GDAP1: variants seen among roughly 807,000 people sequenced by gnomAD.
GDAP1 encodes the protein ganglioside-induced differentiation-associated protein 1.
Under a neutral mutation model 40.1 loss-of-function variants are expected in GDAP1, and 34 were observed. The ratio of observed to expected loss-of-function variants is 0.85; its 90% CI spans 0.64 to 1.13. The LOEUF (loss-of-function observed/expected upper bound fraction) is 1.13, where lower values mean the gene tolerates loss of function less well. Ranked by LOEUF, GDAP1 falls within the 50% of genes most tolerant of loss-of-function variation. The probability of loss-of-function intolerance (pLI) is 0.00; values close to 1 mark genes in which losing one functional copy is unlikely to be tolerated. For missense variants in GDAP1, 374 were observed against 433.7 expected (o/e 0.86, Z 1.22); for synonymous variants, 170 against 157.4 (o/e 1.08, Z -0.60).
In GDAP1 at chr8:74,384,527, C is replaced by G. The variant is rs1294910437; in HGVS notation, c.165+33206C>G. Among the ~76,000 whole-genome samples the G allele has an allele frequency of 2.0e-5, 3 of 152,144 alleles. No homozygotes were observed. The East Asian group carries it at 5.8e-4, about 29-fold the overall frequency. ...ACAAAACACATTCAGTCTCTTGTTT[C>G]TAATTGCTCGAAATTCTATCCAGGT... On this transcript the variant is annotated intron_variant, in intron 2 of 2. Transcript: ENST00000523640.
chr8:74,459,400 A>T (rs1201082512), intron 2 of GDAP1, among the ~76,000 whole-genome samples: 2 of 152,180 alleles, frequency 1.3e-5, no homozygotes, highest in African/African-American at 4.8e-5. Flanking sequence ...TGACACACAG[A>T]CCTTTTTAAA....
intron 2 of GDAP1, among the ~76,000 whole-genome samples, chr8:74,412,532 G>T (rs549937900): frequency 6.7e-6 from 1 of 150,194 alleles, no homozygotes; most frequent in South Asian, 2.1e-4. Flanking sequence ...GAAAATTACA[G>T]TTAAACTGCC....
At chr8:74,398,372 A>C (rs1403362643) in intron 2 of GDAP1, among the ~76,000 whole-genome samples, 1 of 151,896 alleles carries the variant, frequency 6.6e-6, no homozygotes, top group Non-Finnish European at 1.5e-5. Flanking sequence ...TGCATGTGAG[A>C]TGGGTTTCCT....
chr8:74,474,435 T>C (rs1806599545), intron 2 of GDAP1, among the ~76,000 whole-genome samples: 1 of 152,174 alleles, frequency 6.6e-6, no homozygotes, highest in South Asian at 2.1e-4. Flanking sequence ...GGGTTTGTCA[T>C]ATATGGTTCT....
chr8:74,351,281 T>A lies in GDAP1; in HGVS notation c.125T>A (p.Leu42Ter), dbSNP rs1252720445. The change falls in exon 2 of 6, where the codon TTG becomes TAG. Residue 42 changes from leucine (L) to a stop codon, truncating the protein, a stop_gained. Coordinates refer to ENST00000220822, the MANE Select transcript of GDAP1 (RefSeq NM_018972.4). LOFTEE classifies it high-confidence loss of function. ...THSFSSQKVR[L>*]VIAEKALKCE... The stretch of plus-strand genomic sequence containing the variant: ...CAGTGTGAACTCTTCCAGGTGCGCT[T>A]GGTAATTGCTGAAAAGGCATTGAAG... 1.9e-6 allele frequency: 3 copies of A among 1,613,834 alleles called. No homozygotes were observed. The highest frequency in any genetic ancestry group is 2.5e-6 in the Non-Finnish European group (3 of 1,179,678).
intron 2 of GDAP1, among the ~76,000 whole-genome samples, chr8:74,463,961 A>T (rs781118864): frequency 2.6e-5 from 4 of 151,914 alleles, no homozygotes; most frequent in East Asian, 1.9e-4. Flanking sequence ...ATAAATACGT[A>T]TGTACCTGCT....
chr8:74,479,041 T>C (rs1242564542), intron 2 of GDAP1, among the ~76,000 whole-genome samples: 3 of 152,172 alleles, frequency 2.0e-5, no homozygotes, highest in Non-Finnish European at 4.4e-5. Context: ...CTTTCTGATG[T>C]CGTGGTCCCT....
intron 2 of GDAP1, among the ~76,000 whole-genome samples, chr8:74,433,202 C>T (rs1806048973): frequency 1.3e-5 from 2 of 152,160 alleles, no homozygotes. Flanking sequence ...TACCTCCCCT[C>T]TAGAATCTCT....
intron 2 of GDAP1, among the ~76,000 whole-genome samples, chr8:74,402,906 T>A (rs1256106238): frequency 6.7e-6 from 1 of 150,118 alleles, no homozygotes; most frequent in Non-Finnish European, 1.5e-5. Flanking sequence ...TTTGTTGTTG[T>A]TGTTGTTGTT....
chr8:74,455,107 A>G (rs2131577661), intron 2 of GDAP1, among the ~76,000 whole-genome samples: 1 of 152,126 alleles, frequency 6.6e-6, no homozygotes, highest in East Asian at 1.9e-4. Context: ...AAATTAAAAG[A>G]TTCATCATAA....
In GDAP1 at chr8:74,350,443, C is replaced by G. The variant is rs371103821; in HGVS notation, c.-19C>G. ...CCAGGGCGGACAGGCTGGGCGCACC[C>G]GTGCTCGCGCACCCCAAGATGGCTG... On this transcript the variant is annotated 5_prime_UTR_variant, in exon 1 of 6. Coordinates refer to ENST00000220822, the MANE Select transcript of GDAP1 (RefSeq NM_018972.4). 6.9e-5 allele frequency: 102 copies of G among 1,487,230 alleles called. No homozygotes were observed. The highest frequency in any genetic ancestry group is 3.3e-5 in the Non-Finnish European group (35 of 1,067,038). The allele number at this position is 1,487,230 out of a possible 1,614,324, so 92.1% of individuals were successfully genotyped here. A position where few individuals can be genotyped will look rare whatever the true frequency, so the allele number is the denominator to read the frequency against.
downstream of GDAP1, among the ~76,000 whole-genome samples, chr8:74,369,774 G>C (rs1224823794): frequency 6.7e-6 from 1 of 149,628 alleles, no homozygotes; most frequent in Non-Finnish European, 1.5e-5. Flanking sequence ...ATCATTGTCA[G>C]ACCGCTGAAA....
intron 2 of GDAP1, among the ~76,000 whole-genome samples, chr8:74,476,821 A>G (rs986161411): frequency 5.9e-5 from 9 of 152,218 alleles, no homozygotes; most frequent in Admixed American, 3.3e-4. Context: ...GAACTTGAAT[A>G]TTTGCCATTC....
chr8:74,362,780 CTCTCT>C, intron 4 of GDAP1, among the ~76,000 whole-genome samples, 154 bp from the exon 5 acceptor site: 1 of 34,988 alleles, frequency 2.9e-5, no homozygotes, highest in Non-Finnish European at 7.6e-5. Context: ...AGCTCTCTCT[CTCTCT>C]TTTTTTTTTT....
intron 2 of GDAP1, among the ~76,000 whole-genome samples, chr8:74,391,874 A>C (rs1281863828): frequency 6.6e-6 from 1 of 152,088 alleles, no homozygotes; most frequent in African/African-American, 2.4e-5. Flanking sequence ...GCTGGAGTGC[A>C]ATGGCCCGAT....
intron 1 of GDAP1, 91 bp downstream of exon 1, chr8:74,350,669 A>G (rs1019571975): frequency 1.2e-5 from 11 of 900,008 alleles, no homozygotes; most frequent in African/African-American, 1.6e-5. Context: ...AAGCCGGTCC[A>G]CCTAGAAATC....
chr8:74,397,294 C>T (rs1280618881), intron 2 of GDAP1, among the ~76,000 whole-genome samples: 1 of 151,528 alleles, frequency 6.6e-6, no homozygotes, highest in Non-Finnish European at 1.5e-5. Flanking sequence ...AATTTTCTCC[C>T]ATTTTGTAGG....
chr8:74,457,729 T>G (rs1007053337), intron 2 of GDAP1, among the ~76,000 whole-genome samples: 39 of 152,226 alleles, frequency 2.6e-4, no homozygotes, highest in African/African-American at 8.9e-4. Context: ...CAAAGAAGAC[T>G]TAGAGAAAAT....
chr8:74,394,929 A>G (rs889400177), intron 2 of GDAP1, among the ~76,000 whole-genome samples: 9 of 152,220 alleles, frequency 5.9e-5, no homozygotes, highest in Non-Finnish European at 1.3e-4. Context: ...AGTTGCATCA[A>G]TTGCAAATTA....
Sources: gnomAD v4.1 joint callset for allele counts (sites outside exome capture counted in the v4.1 genomes callset) on GRCh38, gnomAD v4.1.1 for gene constraint, MANE v1.5 for transcripts, NCBI Gene and HGNC (gene_info 2026-07-23, HGNC 2026-07-21) for gene names.